Variants in ADAMTS3 observed in about 807,000 individuals in gnomAD.
ADAMTS3 encodes the protein A disintegrin and metalloproteinase with thrombospondin motifs 3.
A neutral mutation model predicts 129.0 loss-of-function variants in ADAMTS3; 73 were observed. That is an observed-to-expected ratio of 0.57 (90% confidence interval 0.47 to 0.69). The LOEUF (loss-of-function observed/expected upper bound fraction) is 0.69. Ranked by LOEUF, ADAMTS3 falls within the 30% of genes least tolerant of loss-of-function variation. ADAMTS3 has a pLI of 0.00. For missense variants in ADAMTS3, 1,457 were observed against 1,514.5 expected (o/e 0.96, Z 0.63); for synonymous variants, 477 against 510.8 (o/e 0.93, Z 0.89).
intron 3 of ADAMTS3, among the ~76,000 whole-genome samples, chr4:72,477,233 TA>T (rs776911943): frequency 2.3e-4 from 35 of 152,056 alleles, no homozygotes; most frequent in Admixed American, 1.4e-3. Flanking sequence ...ATCAACAGAA[TA>T]TGCATTCTTC....
At chr4:72,568,219 C>T (rs1027607491) in intron 1 of ADAMTS3, among the ~76,000 whole-genome samples, 5 of 152,146 alleles carry the variant, frequency 3.3e-5, no homozygotes, top group Middle Eastern at 3.2e-3. Context: ...CTTCCTGAAA[C>T]CCCCGCCTCC....
Position 72,341,555 on chromosome 4 carries a change from T to G in ADAMTS3, c.662-1862A>C, listed in dbSNP as rs374565650. ...AAGGCTGTGATAGCTAGTGTACAAATATAGGAAATTCAGACATGAGCTCTC... is the reference window on the plus strand; with the variant it reads ...AAGGCTGTGATAGCTAGTGTACAAAGATAGGAAATTCAGACATGAGCTCTC... On this transcript the variant is annotated intron_variant, in intron 4 of 21. Coordinates refer to ENST00000286657, the MANE Select transcript of ADAMTS3 (RefSeq NM_014243.3). Among the ~76,000 whole-genome samples, 6 of 152,268 alleles carry G rather than the reference T, an allele frequency of 3.9e-5. No homozygotes were observed. In the East Asian group the frequency reaches 5.8e-4, roughly 15 times the overall value.
rs140595148 is a variant in ADAMTS3, at chr4:72,312,364, C to A, written c.1848G>T (p.Gln616His). 1.1e-5 allele frequency: 18 copies of A among 1,613,714 alleles called. No individual in the cohort carries two copies. The African/African-American group carries it at 2.1e-4, about 19-fold the overall frequency. The change falls in exon 13 of 22, where the codon CAG (glutamine) becomes CAT (histidine). Residue 616 changes from glutamine (Q) to histidine (H), a missense_variant. By Grantham distance (24) the Gln-to-His change is conservative. Coordinates refer to ENST00000286657, the MANE Select transcript of ADAMTS3 (RefSeq NM_014243.3). Reference sequence around the variant, plus strand: ...CAAAGTGGGAGTTTCGCTGCTGACACTGCTGTGCTCTGAAGTCCTCAAAGT... The same window carrying A: ...CAAAGTGGGAGTTTCGCTGCTGACAATGCTGTGCTCTGAAGTCCTCAAAGT... The part of the protein sequence containing the change: ...QKHFEDFRAQ[Q>H]CQQRNSHFEY...
chr4:72,389,529 CA>C (rs76473738), intron 4 of ADAMTS3, among the ~76,000 whole-genome samples: 6,167 of 133,992 alleles, frequency 0.046, 128 homozygotes, highest in Admixed American at 0.056. Flanking sequence ...ATGAAAAAAA[CA>C]AAAAAAAAAA....
intron 3 of ADAMTS3, among the ~76,000 whole-genome samples, chr4:72,470,444 T>C (rs1415058323): frequency 1.3e-5 from 2 of 150,612 alleles, no homozygotes; most frequent in South Asian, 2.1e-4. Flanking sequence ...ATGTATAATA[T>C]ATATACACTC....
intron 3 of ADAMTS3, among the ~76,000 whole-genome samples, chr4:72,459,413 T>A (rs1163724516): frequency 6.6e-6 from 1 of 151,582 alleles, no homozygotes; most frequent in African/African-American, 2.4e-5. Flanking sequence ...TAAAAAGAAA[T>A]CCTTAGCAAT....
intron 3 of ADAMTS3, among the ~76,000 whole-genome samples, chr4:72,492,187 T>G (rs1330348547): frequency 6.7e-6 from 1 of 149,152 alleles, no homozygotes; most frequent in Non-Finnish European, 1.5e-5. Context: ...TTTAAAACTT[T>G]TATTTATCTT....
chr4:72,410,153 A>G (rs868103072), intron 4 of ADAMTS3, among the ~76,000 whole-genome samples: 1 of 152,160 alleles, frequency 6.6e-6, no homozygotes, highest in South Asian at 2.1e-4. Flanking sequence ...GTTAGAGTAT[A>G]TACTGACATG....
chr4:72,462,229 G>A (rs1051315161), intron 3 of ADAMTS3, among the ~76,000 whole-genome samples: 3 of 151,902 alleles, frequency 2.0e-5, no homozygotes, highest in Non-Finnish European at 4.4e-5. Flanking sequence ...AGCCTCAATA[G>A]AGTAAAGGAT....
chr4:72,388,068 T>G (rs1012840402), intron 4 of ADAMTS3, among the ~76,000 whole-genome samples: 5 of 152,134 alleles, frequency 3.3e-5, no homozygotes, highest in Non-Finnish European at 5.9e-5. Context: ...AAGAGGAGAA[T>G]ATTAAAAACT....
intron 3 of ADAMTS3, among the ~76,000 whole-genome samples, chr4:72,542,193 C>A (rs1721349896): frequency 6.6e-6 from 1 of 152,084 alleles, no homozygotes; most frequent in South Asian, 2.1e-4. Flanking sequence ...GAGACGGAGT[C>A]TTGCTCTGTC....
chr4:72,560,535 G>A (rs1037219041), intron 2 of ADAMTS3, among the ~76,000 whole-genome samples: 3 of 152,128 alleles, frequency 2.0e-5, no homozygotes, highest in Non-Finnish European at 4.4e-5. Context: ...GTCCTTTGCA[G>A]GAACATGGAT....
At chr4:72,342,688 A>C (rs1310319852) in intron 4 of ADAMTS3, among the ~76,000 whole-genome samples, 1 of 152,074 alleles carries the variant, frequency 6.6e-6, no homozygotes, top group Non-Finnish European at 1.5e-5. Flanking sequence ...ACTTCTGTAG[A>C]TAGCATCACT....
In ADAMTS3 at chr4:72,464,524, A is replaced by G. The variant is rs192196052; in HGVS notation, c.505-49553T>C. ...GAAAAGATTTTACAGAAAACTATAA[A>G]TTTTTAACTAAATTTAAAAGAAAAT... On this transcript the variant is annotated intron_variant, in intron 3 of 21. Transcript: ENST00000286657. Among the ~76,000 whole-genome samples, 434 of 152,136 alleles carry G rather than the reference A, an allele frequency of 2.9e-3. 1 individual carries two copies. The highest frequency in any genetic ancestry group is 0.01 in the African/African-American group (422 of 41,546).
At chr4:72,364,132 TGAA>T (rs1720805523) in intron 4 of ADAMTS3, among the ~76,000 whole-genome samples, 1 of 152,004 alleles carries the variant, frequency 6.6e-6, no homozygotes, top group Admixed American at 6.6e-5. Flanking sequence ...TAGTGATGAA[TGAA>T]GAAGTATAGA....
intron 4 of ADAMTS3, among the ~76,000 whole-genome samples, chr4:72,344,065 C>T (rs951029463): frequency 1.3e-5 from 2 of 152,016 alleles, no homozygotes; most frequent in African/African-American, 4.8e-5. Context: ...TACTATAAGG[C>T]CTATTTTATC....
intron 15 of ADAMTS3, among the ~76,000 whole-genome samples, chr4:72,307,724 A>T (rs951166628): frequency 1.3e-5 from 2 of 152,204 alleles, no homozygotes; most frequent in South Asian, 4.1e-4. Flanking sequence ...GATGATTTGA[A>T]GTTGAATACT....
chr4:72,495,591 A>G (rs1416660492), intron 3 of ADAMTS3, among the ~76,000 whole-genome samples: 1 of 152,210 alleles, frequency 6.6e-6, no homozygotes, highest in South Asian at 2.1e-4. Flanking sequence ...GTAGAAATAC[A>G]CAGGTAAGGC....
At chr4:72,364,996 T>C (rs1720833854) in intron 4 of ADAMTS3, among the ~76,000 whole-genome samples, 2 of 152,222 alleles carry the variant, frequency 1.3e-5, no homozygotes, top group Admixed American at 1.3e-4. Context: ...TCAATAAAAT[T>C]ATTGAGGACT....
Sources: gnomAD v4.1 joint callset for allele counts (sites outside exome capture counted in the v4.1 genomes callset) on GRCh38, gnomAD v4.1.1 for gene constraint, MANE v1.5 for transcripts, NCBI Gene and HGNC (gene_info 2026-07-23, HGNC 2026-07-21) for gene names.